BCL6: variants seen among roughly 807,000 people sequenced by gnomAD.
BCL6 encodes BCL6 transcription repressor.
BCL6 carries 7 observed loss-of-function variants against 59.5 expected under a neutral mutation model. The observed-to-expected ratio is 0.12, with a 90% CI of 0.07 to 0.22. BCL6 has a LOEUF of 0.22. BCL6 is among the 10% of genes least tolerant of loss of function. The probability of loss-of-function intolerance (pLI) is 1.00; values close to 1 mark genes in which losing one functional copy is unlikely to be tolerated. For synonymous variants in BCL6, 339 were observed against 349.7 expected, an observed-to-expected ratio of 0.97 and a Z score of 0.34; for missense variants, 685 against 939.4, an observed-to-expected ratio of 0.73 and a Z score of 3.54.
chr3:187,743,883 A>G (rs564599051), intron 1 of BCL6, among the ~76,000 whole-genome samples: 1 of 151,980 alleles, frequency 6.6e-6, no homozygotes, highest in Admixed American at 6.6e-5. Flanking sequence ...CTCGCAATCT[A>G]TTTTTGCAAA....
In BCL6 at chr3:187,722,304, GCCCCGACCCCCACCA is replaced by G; in HGVS notation, c.*139_*153del. The stretch of plus-strand genomic sequence containing the variant: ...GCTGCTGCGGCTCCCAGTCCCCCAG[GCCCCGACCCCCACCA>G]CCCCCAACCCCCAGCTATGATTTGC... On this transcript the variant is annotated 3_prime_UTR_variant, in exon 10 of 10. Coordinates refer to ENST00000406870, the MANE Select transcript of BCL6 (RefSeq NM_001706.5). 9.7e-6 allele frequency: 3 copies of G among 309,312 alleles called. No individual in the cohort carries two copies. Among genetic ancestry groups the G allele is most frequent in the Non-Finnish European group, 1.8e-5 (3 of 169,636 alleles). 19.2% of individuals were successfully genotyped at this position (309,312 alleles called of 1,614,324 possible).
chr3:187,741,548 G>A (rs1044296651), intron 1 of BCL6, among the ~76,000 whole-genome samples: 6 of 150,540 alleles, frequency 4.0e-5, no homozygotes, highest in Non-Finnish European at 8.9e-5. Context: ...TCTCGGAGTG[G>A]ACATCGGGAG....
chr3:187,736,282 TC>T (rs1187500237), intron 1 of BCL6: 1 of 152,162 alleles, frequency 6.6e-6, no homozygotes, highest in Non-Finnish European at 1.5e-5. Flanking sequence ...ACCTATCTCC[TC>T]CTCTCCCCAG....
intron 1 of BCL6, among the ~76,000 whole-genome samples, chr3:187,741,899 A>G (rs752497913): frequency 8.5e-5 from 13 of 152,126 alleles, no homozygotes; most frequent in Admixed American, 4.6e-4. Flanking sequence ...TGCCCTGAGA[A>G]GTCAATCCAA....
Position 187,722,430 on chromosome 3 carries a change from G to A in BCL6, c.*28C>T. The A allele has an allele frequency of 6.2e-7, 1 of 1,601,224 alleles. No individual in the cohort carries two copies. Among genetic ancestry groups the A allele is most frequent in the Non-Finnish European group, 8.5e-7 (1 of 1,173,894 alleles). On this transcript the variant is annotated 3_prime_UTR_variant, in exon 10 of 10. Transcript: ENST00000406870. Reference sequence around the variant, plus strand: ...TTTGGGTAGATTCTGAGAAGGGGCTGGAGACGAAAGCATCAACACTCCATG... The same window carrying A: ...TTTGGGTAGATTCTGAGAAGGGGCTAGAGACGAAAGCATCAACACTCCATG...
At chr3:187,742,403 A>T (rs1711639674) in intron 1 of BCL6, among the ~76,000 whole-genome samples, 1 of 152,138 alleles carries the variant, frequency 6.6e-6, no homozygotes, top group African/African-American at 2.4e-5. Flanking sequence ...TATCCACCAA[A>T]CCCAGAATAA....
intron 1 of BCL6, 61 bp from the exon 2 acceptor site, chr3:187,734,968 T>C (rs569607079): frequency 1.4e-4 from 21 of 152,790 alleles, no homozygotes; most frequent in African/African-American, 4.6e-4. Flanking sequence ...TTGTCCACTA[T>C]AGTCTTATTT....
rs1023218253 is a variant in BCL6 at position 187,721,987 on chromosome 3, ACT to A, written c.*469_*470del. The A allele has an allele frequency of 5.0e-6, 1 of 201,518 alleles. No individual in the cohort carries two copies. Among genetic ancestry groups the A allele is most frequent in the African/African-American group, 2.3e-5 (1 of 43,228 alleles). 12.5% of individuals were successfully genotyped at this position (201,518 alleles called of 1,614,324 possible). A position where few individuals can be genotyped will look rare whatever the true frequency, so the allele number is the denominator to read the frequency against. The stretch of plus-strand genomic sequence containing the variant: ...ATATATATATATTTATATATTTACA[ACT>A]CTGCCATATATTCCTTCACCTTTGG... On this transcript the variant is annotated 3_prime_UTR_variant, in exon 10 of 10. Transcript: ENST00000406870. This position sits in a 1 kb window ranked among gnomAD's most constrained non-coding sequence, Gnocchi z 4.2.
In BCL6 at chr3:187,722,578, G is replaced by A. The variant is rs1199147832; in HGVS notation, c.2001C>T (p.Phe667=). 1.9e-6 allele frequency: 3 copies of A among 1,613,754 alleles called. No individual in the cohort carries two copies. The highest frequency in any genetic ancestry group is 2.7e-5 in the African/African-American group (2 of 74,912). ...PYHCEKCNLH[F]RHKSQLRLHL... ...GAAGTCGCAGCTGGCTTTTGTGACG[G>A]AAATGCAGGTTACACTTCTCACACT... is the stretch of plus-strand genomic sequence containing the variant. Residue 667 remains phenylalanine (F), a synonymous_variant, in exon 10 of 10, where the codon TTC becomes TTT. Coordinates refer to ENST00000406870, the MANE Select transcript of BCL6 (RefSeq NM_001706.5).
In BCL6 at chr3:187,722,304, G is replaced by GGCCCCCCCCCCCCCCCCC; in HGVS notation, c.*153_*154insGGGGGGGGGGGGGGGGGC. 9 of 309,262 alleles carry GGCCCCCCCCCCCCCCCCC rather than the reference G, an allele frequency of 2.9e-5. No individual in the cohort carries two copies. The highest frequency in any genetic ancestry group is 5.5e-5 in the Admixed American group (1 of 18,032). The allele number at this position is 309,262 out of a possible 1,614,324, so 19.2% of individuals were successfully genotyped here. On this transcript the variant is annotated 3_prime_UTR_variant, in exon 10 of 10. Coordinates refer to ENST00000406870, the MANE Select transcript of BCL6 (RefSeq NM_001706.5). Reference sequence around the variant, plus strand: ...GCTGCTGCGGCTCCCAGTCCCCCAGGCCCCGACCCCCACCACCCCCAACCC... The same window carrying GGCCCCCCCCCCCCCCCCC: ...GCTGCTGCGGCTCCCAGTCCCCCAGGGCCCCCCCCCCCCCCCCCCCCCGACCCCCACCACCCCCAACCC...
intron 3 of BCL6, among the ~76,000 whole-genome samples, chr3:187,733,146 A>G (rs1181972458): frequency 6.6e-6 from 1 of 152,256 alleles, no homozygotes; most frequent in African/African-American, 2.4e-5. Context: ...ATACATTTAT[A>G]GCATAAAAGA....
At chr3:187,731,562 G>A in intron 4 of BCL6, 147 bp downstream of exon 4, 1 of 783,200 alleles carries the variant, frequency 1.3e-6, no homozygotes, top group South Asian at 1.7e-5. Context: ...CAAGAGTTAA[G>A]AAGAGCAGAA....
intron 7 of BCL6, among the ~76,000 whole-genome samples, chr3:187,726,523 A>G (rs995567597): frequency 3.0e-4 from 46 of 152,206 alleles, no homozygotes; most frequent in African/African-American, 1.0e-3. Context: ...AGCATCTCAG[A>G]GGAAAGACAA....
intron 1 of BCL6, among the ~76,000 whole-genome samples, chr3:187,744,708 C>G (rs562570927): frequency 2.6e-5 from 4 of 152,058 alleles, no homozygotes; most frequent in East Asian, 3.9e-4. Context: ...GAGCGGGCAG[C>G]CTCCCTTTTT....
intron 9 of BCL6, among the ~76,000 whole-genome samples, chr3:187,723,028 T>C (rs1718502427): frequency 6.6e-6 from 1 of 152,332 alleles, no homozygotes; most frequent in East Asian, 1.9e-4. Context: ...CTTCAGTGGG[T>C]AACACTTTGA....
At chr3:187,727,781 G>A (rs938742947) in intron 6 of BCL6, among the ~76,000 whole-genome samples, 3 of 152,232 alleles carry the variant, frequency 2.0e-5, no homozygotes, top group African/African-American at 7.2e-5. Flanking sequence ...CTCTATTACT[G>A]TAGCCAGAGC....
intron 1 of BCL6, among the ~76,000 whole-genome samples, chr3:187,744,181 G>C (rs1711755981): frequency 6.6e-6 from 1 of 152,308 alleles, no homozygotes; most frequent in East Asian, 1.9e-4. Context: ...AGCCAACACA[G>C]AGTCACGCAG....
chr3:187,732,861 ATGT>A (rs928264870), intron 3 of BCL6, among the ~76,000 whole-genome samples: 1 of 152,234 alleles, frequency 6.6e-6, no homozygotes, highest in Non-Finnish European at 1.5e-5. Context: ...CTTAGAGTAG[ATGT>A]TGGATAAGTT....
chr3:187,744,751 G>A (rs1157394646), intron 1 of BCL6, among the ~76,000 whole-genome samples: 7 of 152,212 alleles, frequency 4.6e-5, no homozygotes, highest in African/African-American at 1.7e-4. Flanking sequence ...GACAGGGGAA[G>A]GGAAGGAAGA....
Sources: gnomAD v4.1 joint callset for allele counts (sites outside exome capture counted in the v4.1 genomes callset) on GRCh38, gnomAD v4.1.1 for gene constraint, Gnocchi (gnomAD v3.1) non-coding constraint, MANE v1.5 for transcripts, NCBI Gene and HGNC (gene_info 2026-07-23, HGNC 2026-07-21) for gene names.